The following NRG3 variants were observed in gnomAD, a reference collection of about 807,000 sequenced individuals.
NRG3 encodes neuregulin 3, also known as pro-neuregulin-3, membrane-bound isoform.
NRG3 carries 31 observed loss-of-function variants against 66.9 expected under a neutral mutation model. The observed-to-expected ratio is 0.46, with a 90% CI of 0.35 to 0.63. The LOEUF (loss-of-function observed/expected upper bound fraction) is 0.63. Among genes scored for constraint, NRG3 ranks in the 20% least tolerant of loss-of-function variants. The pLI, the probability that NRG3 is intolerant of heterozygous loss-of-function variation, is 0.00. For synonymous variants in NRG3, 393 were observed against 359.4 expected (o/e 1.09, Z -1.06); for missense variants, 910 against 878.9 (o/e 1.04, Z -0.45).
intron 2 of NRG3, among the ~76,000 whole-genome samples, chr10:82,596,502 C>T (rs766068646): frequency 6.6e-6 from 1 of 152,086 alleles, no homozygotes; most frequent in Non-Finnish European, 1.5e-5. Flanking sequence ...ACTGGTTGGG[C>T]TCATTTTGGT....
chr10:82,796,352 CTG>C (rs1390389840), intron 3 of NRG3, among the ~76,000 whole-genome samples: 1 of 152,068 alleles, frequency 6.6e-6, no homozygotes, highest in African/African-American at 2.4e-5. Flanking sequence ...TATTGGAAGC[CTG>C]TCAAGTCCAC....
chr10:82,840,293 T>C (rs1233723007), intron 3 of NRG3, among the ~76,000 whole-genome samples: 1 of 152,166 alleles, frequency 6.6e-6, no homozygotes, highest in Admixed American at 6.6e-5. Flanking sequence ...GCAGCCTACG[T>C]TGGTGGACTA....
chr10:82,725,696 T>G lies in NRG3; in HGVS notation c.954-12881T>G, dbSNP rs183012140. On this transcript the variant is annotated intron_variant, in intron 2 of 8. Transcript: ENST00000372141. ...GAATTTCAGATAAACAATGAATGCA[T>G]TTTTAGTATAAGTATGTCCCAAATA... is the stretch of plus-strand genomic sequence containing the variant. Among the ~76,000 whole-genome samples the G allele has an allele frequency of 1.8e-4, 27 of 151,882 alleles. No individual in the cohort carries two copies. The East Asian group carries it at 5.2e-3, about 29-fold the overall frequency.
rs565491870 is a variant in NRG3, at chr10:82,223,274, A to G, written c.824-135465A>G. On this transcript the variant is annotated intron_variant, in intron 1 of 8. Transcript: ENST00000372141. ...AGCCAACCAAGGGTCTAGAACATGG[A>G]TAAAGCTGAGATAATCTCAGGGTGT... 5.6e-4 allele frequency among the ~76,000 whole-genome samples: 85 copies of G among 152,288 alleles called. 1 individual carries two copies. The highest frequency in any genetic ancestry group is 1.2e-3 in the Non-Finnish European group (79 of 68,028).
chr10:82,179,446 C>T (rs1042458582), intron 1 of NRG3, among the ~76,000 whole-genome samples: 1 of 151,850 alleles, frequency 6.6e-6, no homozygotes, highest in Non-Finnish European at 1.5e-5. Context: ...ATATGGATTC[C>T]ATTTCATTGT....
chr10:82,114,362 C>T (rs541576962), intron 1 of NRG3, among the ~76,000 whole-genome samples: 1 of 152,064 alleles, frequency 6.6e-6, no homozygotes. Flanking sequence ...ACTTCTAACT[C>T]GACCCCGGAG....
At chr10:82,558,993 A>T (rs1363815462) in intron 2 of NRG3, among the ~76,000 whole-genome samples, 1 of 152,202 alleles carries the variant, frequency 6.6e-6, no homozygotes, top group East Asian at 1.9e-4. Context: ...ACATGAAATT[A>T]TATTACTCTG....
chr10:82,797,103 A>T (rs1224894467), intron 3 of NRG3, among the ~76,000 whole-genome samples: 1 of 152,190 alleles, frequency 6.6e-6, no homozygotes, highest in Non-Finnish European at 1.5e-5. Flanking sequence ...CCTTTTTACA[A>T]TCAGTCTTCA....
rs1363560030 is a variant in NRG3 at position 82,720,805 on chromosome 10, T to TTATATATATATATATA, written c.954-17768_954-17767insTATATATATATATATA. 7.1e-4 allele frequency among the ~76,000 whole-genome samples: 45 copies of TTATATATATATATATA among 63,468 alleles called. 1 individual carries two copies. Among genetic ancestry groups the TTATATATATATATATA allele is most frequent in the African/African-American group, 3.2e-3 (44 of 13,754 alleles). 41.6% of individuals were successfully genotyped at this position (63,468 alleles called of 152,430 possible). On this transcript the variant is annotated intron_variant, in intron 2 of 8. Transcript: ENST00000372141. ...AGTAAAACACATATATAGGAGTATT[T>TTATATATATATATATA]TATACATATATATATATATATATAT...
At chr10:82,747,240 T>C (rs2058682924) in intron 3 of NRG3, among the ~76,000 whole-genome samples, 1 of 152,046 alleles carries the variant, frequency 6.6e-6, no homozygotes, top group African/African-American at 2.4e-5. Context: ...TTTATAAATA[T>C]TCCTTATAAT....
At chr10:82,490,397 A>G (rs1842997152) in intron 2 of NRG3, among the ~76,000 whole-genome samples, 1 of 152,072 alleles carries the variant, frequency 6.6e-6, no homozygotes, top group Non-Finnish European at 1.5e-5. Context: ...TTGCCCTTCT[A>G]TTGGGTAAAC....
intron 1 of NRG3, among the ~76,000 whole-genome samples, chr10:82,199,475 C>A (rs2074653571): frequency 6.6e-6 from 1 of 152,098 alleles, no homozygotes; most frequent in African/African-American, 2.4e-5. Flanking sequence ...GAAACACTTT[C>A]ATTTGAAAAT....
At chr10:82,904,737 A>G (rs761656195) in intron 4 of NRG3, among the ~76,000 whole-genome samples, 26 of 152,154 alleles carry the variant, frequency 1.7e-4, no homozygotes, top group Non-Finnish European at 3.2e-4. Context: ...CAAAAATATT[A>G]GGAAATCAAA....
intron 4 of NRG3, among the ~76,000 whole-genome samples, chr10:82,914,188 G>C (rs1412271059): frequency 2.6e-5 from 4 of 151,308 alleles, no homozygotes; most frequent in Non-Finnish European, 5.9e-5. Context: ...TTACCCATCT[G>C]TTATTGCATG....
intron 2 of NRG3, among the ~76,000 whole-genome samples, chr10:82,449,976 A>G (rs183591533): frequency 2.0e-5 from 3 of 152,316 alleles, no homozygotes; most frequent in South Asian, 2.1e-4. Flanking sequence ...GAAGCTCTAT[A>G]AAAGTGGTTT....
intron 5 of NRG3, among the ~76,000 whole-genome samples, chr10:82,955,026 T>A (rs2132400308): frequency 6.6e-6 from 1 of 152,024 alleles, no homozygotes; most frequent in East Asian, 1.9e-4. Flanking sequence ...CACTTGAACC[T>A]CCATTCGATA....
intron 2 of NRG3, among the ~76,000 whole-genome samples, chr10:82,586,256 A>G (rs2046663531): frequency 6.7e-6 from 1 of 149,252 alleles, no homozygotes; most frequent in Non-Finnish European, 1.5e-5. Flanking sequence ...AAAAAAAAAC[A>G]AGAAAACGAA....
At chr10:82,355,285 A>G (rs890293634) in intron 1 of NRG3, among the ~76,000 whole-genome samples, 6 of 152,224 alleles carry the variant, frequency 3.9e-5, no homozygotes, top group African/African-American at 9.6e-5. Flanking sequence ...TTTCTTCTTC[A>G]GAATAAAACA....
intron 2 of NRG3, among the ~76,000 whole-genome samples, chr10:82,484,850 CTCCGTAAAGAGAACAGTAATGTCTTG>C (rs1842554040): frequency 6.6e-6 from 1 of 152,130 alleles, no homozygotes; most frequent in Non-Finnish European, 1.5e-5. Flanking sequence ...AGTCTCTAAT[CTCCGTAAAGAGAACAGTAATGTCTTG>C]TCCCATTTCT....
Sources: allele counts gnomAD v4.1 joint callset (sites outside exome capture counted in the v4.1 genomes callset), GRCh38; gene constraint gnomAD v4.1.1; transcripts MANE v1.5; gene names NCBI Gene and HGNC (gene_info 2026-07-23, HGNC 2026-07-21).